CPSF1: variants seen among roughly 807,000 people sequenced by gnomAD.
CPSF1 encodes the protein cleavage and polyadenylation specific factor 1.
In CPSF1, 106 loss-of-function variants were observed where a neutral mutation model predicts 175.8. The ratio of observed to expected loss-of-function variants is 0.60; its 90% CI spans 0.52 to 0.71. The LOEUF is 0.71. Among genes scored for constraint, CPSF1 ranks in the 30% least tolerant of loss-of-function variants. CPSF1 has a pLI of 0.00. For missense variants in CPSF1, 1,734 were observed against 2,022.9 expected, an observed-to-expected ratio of 0.86 and a Z score of 2.74; for synonymous variants, 1,024 against 858.3, an observed-to-expected ratio of 1.19 and a Z score of -3.37.
intron 2 of CPSF1, among the ~76,000 whole-genome samples, chr8:144,407,998 G>A (rs1821584620): frequency 6.6e-6 from 1 of 152,210 alleles, no homozygotes; most frequent in African/African-American, 2.4e-5. Context: ...AGAAACTCCA[G>A]CCCTCGTCAA....
chr8:144,406,751 A>T (rs1405563301), intron 2 of CPSF1, among the ~76,000 whole-genome samples: 1 of 152,180 alleles, frequency 6.6e-6, no homozygotes, highest in African/African-American at 2.4e-5. Context: ...CCTGCTCTGC[A>T]CTGCTACCTG....
Position 144,398,297 on chromosome 8 carries a change from C to A in CPSF1, c.1894+5G>T, listed in dbSNP as rs1219712440. Reference sequence around the variant, plus strand: ...GCCCAGGGCCCAACCACCCCCCCCACCTACCTCCTTCCAGCAGGCGGATGC... The same window carrying A: ...GCCCAGGGCCCAACCACCCCCCCCAACTACCTCCTTCCAGCAGGCGGATGC... On this transcript the variant is annotated splice_donor_5th_base_variant and intron_variant, in intron 19 of 37. Transcript: ENST00000616140. 6 of 1,602,342 alleles carry A rather than the reference C, an allele frequency of 3.7e-6. No individual in the cohort carries two copies. Among genetic ancestry groups the A allele is most frequent in the Non-Finnish European group, 5.1e-6 (6 of 1,174,418 alleles).
chr8:144,404,962 T>C (rs1554868604), intron 2 of CPSF1, among the ~76,000 whole-genome samples: 2 of 151,548 alleles, frequency 1.3e-5, no homozygotes, highest in African/African-American at 2.4e-5. Context: ...GGGGAATCGC[T>C]TGAACCCAGG....
In CPSF1 at chr8:144,400,034, A is replaced by T. The variant is rs1554865886; in HGVS notation, c.989T>A (p.Ile330Asn). The T allele has an allele frequency of 1.9e-6, 3 of 1,611,044 alleles. No homozygotes were observed. The highest frequency in any genetic ancestry group is 2.5e-6 in the Non-Finnish European group (3 of 1,179,672). ...ITLDCAQATF[I>N]SYDKMVISLK... is the part of the protein sequence containing the mutation. ...GGAGATGACCATCTTGTCGTAGGAG[A>T]TGAAGGTGGCCTGGGCGCAGTCCAG... The change falls in exon 10 of 38, where the codon ATC (isoleucine) becomes AAC (asparagine). Residue 330 changes from isoleucine to asparagine, a missense_variant. Physicochemically the swap from Ile to Asn is moderately radical, Grantham distance 149. Transcript: ENST00000616140.
intron 5 of CPSF1, 53 bp downstream of exon 5, chr8:144,401,158 G>T: frequency 9.0e-6 from 14 of 1,563,640 alleles, no homozygotes; most frequent in Non-Finnish European, 1.2e-5. Flanking sequence ...CAGCTGCAGG[G>T]GGAGGGAGGG....
Position 144,399,250 on chromosome 8 carries a change from C to T in CPSF1, c.1392+26G>A, listed in dbSNP as rs2116860831. 608,174 of 1,611,278 alleles carry T rather than the reference C, an allele frequency of 0.38. 120,591 individuals are homozygous for T. Among genetic ancestry groups the T allele is most frequent in the East Asian group, 0.66 (29,466 of 44,830 alleles). ...GGCCCGCTGGGGGCGCTGGCTGGGA[C>T]GGGGGCCCTGCTGCCTCAATCTCAC... is the stretch of plus-strand genomic sequence containing the variant. On this transcript the variant is annotated intron_variant, in intron 14 of 37. Transcript: ENST00000616140. The surrounding 1 kb of genome is among the most constrained non-coding windows in gnomAD (Gnocchi z 6.4).
In CPSF1 at chr8:144,393,990, T is replaced by A; in HGVS notation, c.3908A>T (p.His1303Leu). The change falls in exon 35 of 38, where the codon CAC (histidine) becomes CTC (leucine). Residue 1303 changes from histidine to leucine, a missense_variant. This residue lies in a region of CPSF1 where 323 missense variants were observed against 338.5 expected (regional missense o/e 0.95). Transcript: ENST00000616140. ...GMRLLRRADF[H>L]VGAHVNTFWR... ...GAACGTGTTCACGTGGGCACCCACG[T>A]GGAAGTCTGCCCGACGCAGCAGGCG... 6.2e-7 allele frequency: 1 copy of A among 1,613,304 alleles called. No individual in the cohort carries two copies. Among genetic ancestry groups the A allele is most frequent in the Non-Finnish European group, 8.5e-7 (1 of 1,179,724 alleles).
chr8:144,398,532 G>A lies in CPSF1; in HGVS notation c.1745C>T (p.Ser582Phe). Reference protein sequence around the residue: ...HGFLILSREDSTMILQTGQEI... With the variant: ...HGFLILSREDFTMILQTGQEI... ...CCAGGCCCTGCCCCTCACCATGGTG[G>A]AGTCTTCCCGGCTCAGAATCAGGAA... Residue 582 changes from serine (S) to phenylalanine (F), a missense_variant, in exon 18 of 38, where the codon TCC (serine) becomes TTC (phenylalanine). Physicochemically the swap from Ser to Phe is radical, Grantham distance 155. Transcript: ENST00000616140. 2 of 1,613,602 alleles carry A rather than the reference G, an allele frequency of 1.2e-6. No homozygotes were observed. The highest frequency in any genetic ancestry group is 1.7e-6 in the Non-Finnish European group (2 of 1,179,892).
intron 9 of CPSF1, 31 bp downstream of exon 9, chr8:144,400,135 G>GGGCGCCCCCCCCCCCC: frequency 2.2e-6 from 2 of 896,006 alleles, no homozygotes; most frequent in Non-Finnish European, 1.6e-6. Context: ...CCGTCCCCGG[G>GGGCGCCCCCCCCCCCC]CCCCCCCCGC....
chr8:144,397,157 G>GCAGGGC, intron 23 of CPSF1, 50 bp downstream of exon 23: 1 of 1,484,082 alleles, frequency 6.7e-7, no homozygotes, highest in Non-Finnish European at 9.0e-7. Flanking sequence ...GGGGGAACGG[G>GCAGGGC]CAGGGCCAGG....
intron 25 of CPSF1, 38 bp downstream of exon 25, chr8:144,396,560 C>T (rs1554863819): frequency 1.4e-5 from 23 of 1,608,514 alleles, no homozygotes; most frequent in Non-Finnish European, 1.9e-5. Context: ...GGCCGCGTCT[C>T]CCTTCTACCA....
chr8:144,404,243 G>A (rs1821372995), intron 2 of CPSF1, among the ~76,000 whole-genome samples: 1 of 151,942 alleles, frequency 6.6e-6, no homozygotes, highest in Non-Finnish European at 1.5e-5. Context: ...AACAAAAAAA[G>A]AAGTTTTCCC....
chr8:144,397,024 G>T, intron 23 of CPSF1, 95 bp from the exon 24 acceptor site: 1 of 993,604 alleles, frequency 1.0e-6, no homozygotes, highest in Non-Finnish European at 1.5e-6. Context: ...AAGGGGCGGG[G>T]CTGAGATGGG....
At position 144,400,408 on chromosome 8, in the gene CPSF1, G is replaced by T. The variant is rs2116875011; in HGVS notation, c.772C>A (p.Leu258Ile). Residue 258 changes from leucine (L) to isoleucine (I), a missense_variant, in exon 8 of 38, where the codon CTC becomes ATC. By Grantham distance (5) the Leu-to-Ile change is conservative. Coordinates refer to ENST00000616140, the MANE Select transcript of CPSF1 (RefSeq NM_013291.3). ...GTGCAGTCAAAGGGCAGGCTGGTGA[G>T]GGACCAGATGACGGGGTGCACCTTC... ...TQKVHPVIWSLTSLPFDCTQA... is the reference protein window; with the variant it reads ...TQKVHPVIWSITSLPFDCTQA... 5.0e-6 allele frequency: 8 copies of T among 1,613,720 alleles called. No homozygotes were observed. The highest frequency in any genetic ancestry group is 1.3e-5 in the African/African-American group (1 of 74,908).
rs782784537 is a variant in CPSF1 at position 144,395,555 on chromosome 8, G to C, written c.2980-4C>G. 1.3e-6 allele frequency: 2 copies of C among 1,589,090 alleles called. No individual in the cohort carries two copies. ...GGACACTGATCCTCAGCTCGCCCTG[G>C]GGTGGGGGCACAGGGGTCAGGGGAT... On this transcript the variant is annotated splice_polypyrimidine_tract_variant and splice_region_variant and intron_variant, in intron 26 of 37. Coordinates refer to ENST00000616140, the MANE Select transcript of CPSF1 (RefSeq NM_013291.3).
Position 144,401,228 on chromosome 8 carries a change from C to T in CPSF1, c.370G>A (p.Glu124Lys), listed in dbSNP as rs2116882909. 1 of 1,550,820 alleles carries T rather than the reference C, an allele frequency of 6.4e-7. No homozygotes were observed. The highest frequency in any genetic ancestry group is 8.7e-7 in the Non-Finnish European group (1 of 1,147,102). The part of the protein sequence containing the change: ...DLKTLSLHYF[E>K]EPELRDGFVQ... ...GGCCCTACCCGAAGCTCAGGCTCCT[C>T]AAAGTAGTGCAGTGACAGGGTCTTC... is the stretch of plus-strand genomic sequence containing the variant. The change falls in exon 5 of 38, where the codon GAG (glutamate) becomes AAG (lysine). Residue 124 changes from glutamate (E) to lysine (K), a missense_variant. Glu to Lys is a moderately conservative substitution (Grantham distance 56). Transcript: ENST00000616140.
intron 2 of CPSF1, among the ~76,000 whole-genome samples, chr8:144,402,011 C>T (rs1586630533): frequency 6.6e-6 from 1 of 152,180 alleles, no homozygotes; most frequent in Non-Finnish European, 1.5e-5. Flanking sequence ...GGTTGCACAC[C>T]TACAGCAGCC....
intron 26 of CPSF1, chr8:144,396,058 G>A: frequency 2.0e-6 from 1 of 488,276 alleles, no homozygotes; most frequent in Non-Finnish European, 3.7e-6. Flanking sequence ...ACTCACGTCA[G>A]CTCTCCTGAG....
intron 5 of CPSF1, 41 bp downstream of exon 5, chr8:144,401,170 G>A (rs1554866862): frequency 1.9e-6 from 3 of 1,549,398 alleles, no homozygotes; most frequent in African/African-American, 2.7e-5. Context: ...GAGGGAGGGT[G>A]GCTGGGCGGG....
Sources: allele counts gnomAD v4.1 joint callset (sites outside exome capture counted in the v4.1 genomes callset), GRCh38; gene constraint gnomAD v4.1.1; regional missense constraint gnomAD v4.1.1; non-coding constraint Gnocchi (gnomAD v3.1); transcripts MANE v1.5; gene names NCBI Gene and HGNC (gene_info 2026-07-23, HGNC 2026-07-21).